CNNM3: variants seen among roughly 807,000 people sequenced by gnomAD.
CNNM3 encodes the protein cyclin and CBS domain divalent metal cation transport mediator 3, also known as metal transporter CNNM3.
A neutral mutation model predicts 57.1 loss-of-function variants in CNNM3; 47 were observed. The ratio of observed to expected loss-of-function variants is 0.82; its 90% confidence interval spans 0.65 to 1.05. CNNM3 has a LOEUF of 1.05. Among genes scored for constraint, CNNM3 ranks in the 50% least tolerant of loss-of-function variants. The pLI is 0.00. For missense variants in CNNM3, 957 were observed against 973.7 expected (o/e 0.98, Z 0.23); for synonymous variants, 507 against 478.2 (o/e 1.06, Z -0.79).
rs1287225956 is a variant in CNNM3 at position 96,834,568 on chromosome 2, C to T, written c.*1952C>T. On this transcript the variant is annotated 3_prime_UTR_variant, in exon 8 of 8. Transcript: ENST00000305510. ...CTCATTATGTTGCCTGGGGTAGTCT[C>T]GAACTCCTAGGCTCAAGCGATCCTC... Among the ~76,000 whole-genome samples, 3 of 151,364 alleles carry T rather than the reference C, an allele frequency of 2.0e-5. No individual in the cohort carries two copies. Among genetic ancestry groups the T allele is most frequent in the Middle Eastern group, 3.5e-3 (1 of 288 alleles).
At position 96,832,388 on chromosome 2, in the gene CNNM3, C is replaced by T. The variant is rs1361294516; in HGVS notation, c.2060-164C>T. On this transcript the variant is annotated intron_variant, in intron 7 of 7. Transcript: ENST00000305510. ...CCAGGGAAGGCATCTGTTGGCTGACCATCTGCTAACCAGTCGCTCCTGTTT... is the reference window on the plus strand; with the variant it reads ...CCAGGGAAGGCATCTGTTGGCTGACTATCTGCTAACCAGTCGCTCCTGTTT... The T allele has an allele frequency of 8.7e-6, 13 of 1,495,684 alleles. No homozygotes were observed. In the African/African-American group the frequency reaches 1.4e-4, roughly 16 times the overall value. The allele number at this position is 1,495,684 out of a possible 1,614,324, so 92.7% of individuals were successfully genotyped here. A position where few individuals can be genotyped will look rare whatever the true frequency, so the allele number is the denominator to read the frequency against.
rs549862303 is a variant in CNNM3, at chr2:96,833,964, C to G, written c.*1348C>G. 5 of 152,468 alleles carry G rather than the reference C, an allele frequency of 3.3e-5. No homozygotes were observed. The highest frequency in any genetic ancestry group is 1.2e-4 in the African/African-American group (5 of 41,578). The allele number at this position is 152,468 out of a possible 1,614,324, so 9.4% of individuals were successfully genotyped here. A position where few individuals can be genotyped will look rare whatever the true frequency, so the allele number is the denominator to read the frequency against. ...ATGGAGTCTCACTCTGTCACCCAGGCTGGAGTGCAGTGGTGAGATCTTGGC... is the reference window on the plus strand; with the variant it reads ...ATGGAGTCTCACTCTGTCACCCAGGGTGGAGTGCAGTGGTGAGATCTTGGC... On this transcript the variant is annotated 3_prime_UTR_variant, in exon 8 of 8. Coordinates refer to ENST00000305510, the MANE Select transcript of CNNM3 (RefSeq NM_017623.5).
chr2:96,816,916 G>A lies in CNNM3; in HGVS notation c.639G>A (p.Leu213=). The change falls in exon 1 of 8, where the codon CTG becomes CTA. Residue 213 remains leucine (L), a synonymous_variant. Coordinates refer to ENST00000305510, the MANE Select transcript of CNNM3 (RefSeq NM_017623.5). ...CGCAGGCGGCGCTGGCGGTGCTGCT[G>A]TACCGCGCGGCCGGCCAGCGTGCGG... is the stretch of plus-strand genomic sequence containing the variant. The part of the protein sequence containing the change: ...SLAQAALAVL[L]YRAAGQRAVP... 8.4e-7 allele frequency: 1 copy of A among 1,190,248 alleles called. No homozygotes were observed. Among genetic ancestry groups the A allele is most frequent in the Non-Finnish European group, 1.0e-6 (1 of 962,620 alleles). 73.7% of individuals were successfully genotyped at this position (1,190,248 alleles called of 1,614,324 possible). A position where few individuals can be genotyped will look rare whatever the true frequency, so the allele number is the denominator to read the frequency against.
rs2079334129 is a variant in CNNM3, at chr2:96,817,114, G to GGCGGC, written c.843_847dup (p.Pro283ArgfsTer139). 3 of 1,341,906 alleles carry GGCGGC rather than the reference G, an allele frequency of 2.2e-6. No homozygotes were observed. The highest frequency in any genetic ancestry group is 4.1e-5 in the Admixed American group (1 of 24,472). 83.1% of individuals were successfully genotyped at this position (1,341,906 alleles called of 1,614,324 possible). ...TGCCCGTGGGGCAGCTGCTGGAGCT[G>GGCGGC]GCGGCGCGGCCCGGGCGGCTGCGGG... On this transcript the variant is annotated frameshift_variant, in exon 1 of 8. Coordinates refer to ENST00000305510, the MANE Select transcript of CNNM3 (RefSeq NM_017623.5). LOFTEE classifies it high-confidence loss of function.
rs2079643422 is a variant in CNNM3 at position 96,833,675 on chromosome 2, T to C, written c.*1059T>C. 1 of 152,242 alleles carries C rather than the reference T, an allele frequency of 6.6e-6. No individual in the cohort carries two copies. The highest frequency in any genetic ancestry group is 2.4e-5 in the African/African-American group (1 of 41,454). 9.4% of individuals were successfully genotyped at this position (152,242 alleles called of 1,614,324 possible). On this transcript the variant is annotated 3_prime_UTR_variant, in exon 8 of 8. Coordinates refer to ENST00000305510, the MANE Select transcript of CNNM3 (RefSeq NM_017623.5). Reference sequence around the variant, plus strand: ...GTCTTTTTCTTCTAGTTTACTACATTTTCCTTCCGTAGTTCTTCAGCTGTG... The same window carrying C: ...GTCTTTTTCTTCTAGTTTACTACATCTTCCTTCCGTAGTTCTTCAGCTGTG...
Position 96,816,805 on chromosome 2 carries a change from G to C in CNNM3, c.528G>C (p.Ala176=), listed in dbSNP as rs1162879550. Residue 176 remains alanine (A), a synonymous_variant, in exon 1 of 8, where the codon GCG becomes GCC. Transcript: ENST00000305510. ...TGCTGCGCGAGAGCGGCTCGGAGGC[G>C]GAGCGTGCGGCGGCGCGGCGTTTGG... ...VQVLRESGSE[A]ERAAARRLEP... 7.8e-6 allele frequency: 8 copies of C among 1,026,986 alleles called. No individual in the cohort carries two copies. The South Asian group carries it at 2.7e-4, about 34-fold the overall frequency. The allele number at this position is 1,026,986 out of a possible 1,614,324, so 63.6% of individuals were successfully genotyped here. A position where few individuals can be genotyped will look rare whatever the true frequency, so the allele number is the denominator to read the frequency against.
intron 7 of CNNM3, chr2:96,832,308 A>G: frequency 1.0e-6 from 1 of 985,382 alleles, no homozygotes; most frequent in Non-Finnish European, 1.2e-6. Flanking sequence ...CTTGTTCAGC[A>G]TAATGACCTG....
At chr2:96,819,884 C>G (rs2079381205) in intron 1 of CNNM3, among the ~76,000 whole-genome samples, 1 of 152,196 alleles carries the variant, frequency 6.6e-6, no homozygotes, top group Non-Finnish European at 1.5e-5. Flanking sequence ...AGGATCTTCG[C>G]TGCCATGGTC....
chr2:96,816,696 G>T lies in CNNM3; in HGVS notation c.419G>T (p.Gly140Val). The T allele has an allele frequency of 9.9e-7, 1 of 1,014,986 alleles. No individual in the cohort carries two copies. The highest frequency in any genetic ancestry group is 4.5e-5 in the South Asian group (1 of 22,464). The allele number at this position is 1,014,986 out of a possible 1,614,324, so 62.9% of individuals were successfully genotyped here. The change falls in exon 1 of 8, where the codon GGG (glycine) becomes GTG (valine). Residue 140 changes from glycine to valine, a missense_variant. This residue lies in a region of CNNM3 where 466 missense variants were observed against 403.1 expected (regional missense o/e 1.16). Transcript: ENST00000305510. ...GCGCCGCCCTGGGCTCTGGGCCTGGGGGCGGCCGGGCTGCTGGCGCTGGCA... is the reference window on the plus strand; with the variant it reads ...GCGCCGCCCTGGGCTCTGGGCCTGGTGGCGGCCGGGCTGCTGGCGCTGGCA... ...EAAPPWALGL[G>V]AAGLLALAAL...
chr2:96,823,931 T>G (rs1351354348), intron 1 of CNNM3, among the ~76,000 whole-genome samples: 1 of 152,240 alleles, frequency 6.6e-6, no homozygotes, highest in African/African-American at 2.4e-5. Context: ...CACACCAGAT[T>G]CAGAGAGTGC....
chr2:96,821,212 TAGTTC>T (rs2079401678), intron 1 of CNNM3, among the ~76,000 whole-genome samples: 1 of 152,186 alleles, frequency 6.6e-6, no homozygotes, highest in Non-Finnish European at 1.5e-5. Flanking sequence ...TCTGCTTCTC[TAGTTC>T]AGTGCAGTCC....
Position 96,816,306 on chromosome 2 carries a change from G to T in CNNM3, c.29G>T (p.Arg10Leu). 7.8e-7 allele frequency: 1 copy of T among 1,287,402 alleles called. No individual in the cohort carries two copies. The highest frequency in any genetic ancestry group is 9.8e-7 in the Non-Finnish European group (1 of 1,019,056). 79.7% of individuals were successfully genotyped at this position (1,287,402 alleles called of 1,614,324 possible). A position where few individuals can be genotyped will look rare whatever the true frequency, so the allele number is the denominator to read the frequency against. ...GCGGCGGCGGTAGCTGCGGCGGGTC[G>T]GTTAGGCTGGTTGTTCGCCGCGCTC... MAAAVAAAG[R>L]LGWLFAALCL... The change falls in exon 1 of 8, where the codon CGG becomes CTG. Residue 10 changes from arginine (R) to leucine (L), a missense_variant. Transcript: ENST00000305510.
intron 1 of CNNM3, 26 bp from the exon 2 acceptor site, chr2:96,825,032 G>A: frequency 6.2e-7 from 1 of 1,611,466 alleles, no homozygotes; most frequent in Non-Finnish European, 8.5e-7. Flanking sequence ...CCAGCAAGCT[G>A]TTCCATGAGT....
rs1443359523 is a variant in CNNM3, at chr2:96,827,777, GCA to G, written c.1568_1569del (p.His523ProfsTer14). The G allele has an allele frequency of 6.2e-7, 1 of 1,614,194 alleles. No individual in the cohort carries two copies. The highest frequency in any genetic ancestry group is 8.5e-7 in the Non-Finnish European group (1 of 1,180,028). ...PLRISEKVLL[H>X]LLKHPSVNQE... is the part of the protein sequence containing the mutation. ...TGCGCATCTCTGAGAAGGTCCTGCT[GCA>G]CCTGTTGAAGCATCCCAGTGTCAAC... On this transcript the variant is annotated frameshift_variant, in exon 4 of 8. Coordinates refer to ENST00000305510, the MANE Select transcript of CNNM3 (RefSeq NM_017623.5). LOFTEE classifies it high-confidence loss of function.
intron 1 of CNNM3, among the ~76,000 whole-genome samples, chr2:96,823,822 CT>C: frequency 6.6e-6 from 1 of 152,220 alleles, no homozygotes; most frequent in Non-Finnish European, 1.5e-5. Context: ...TCCCATCCCC[CT>C]GTCCTGGACC....
chr2:96,835,529 C>T (rs893466113), downstream of CNNM3, among the ~76,000 whole-genome samples: 11 of 148,590 alleles, frequency 7.4e-5, no homozygotes, highest in East Asian at 2.0e-4. Flanking sequence ...AGTGCAGTGG[C>T]GCAGTCTCGG....
At chr2:96,829,530 A>G (rs974168510) in intron 7 of CNNM3, among the ~76,000 whole-genome samples, 6 of 150,638 alleles carry the variant, frequency 4.0e-5, no homozygotes, top group Non-Finnish European at 7.4e-5. Flanking sequence ...TGAACTCCTG[A>G]CCTCAGATGA....
At chr2:96,821,157 G>A (rs2079400604) in intron 1 of CNNM3, among the ~76,000 whole-genome samples, 1 of 152,130 alleles carries the variant, frequency 6.6e-6, no homozygotes. Context: ...GCCATTCGTG[G>A]GCAGACTGGC....
chr2:96,835,530 G>A (rs181486576), downstream of CNNM3, among the ~76,000 whole-genome samples: 405 of 150,694 alleles, frequency 2.7e-3, no homozygotes, highest in Non-Finnish European at 4.2e-3. Context: ...GTGCAGTGGC[G>A]CAGTCTCGGC....
Sources: gnomAD v4.1 joint callset for allele counts (sites outside exome capture counted in the v4.1 genomes callset) on GRCh38, gnomAD v4.1.1 for gene constraint, gnomAD v4.1.1 regional missense constraint, MANE v1.5 for transcripts, NCBI Gene and HGNC (gene_info 2026-07-23, HGNC 2026-07-21) for gene names.